Variants in MSRB3 observed in about 807,000 individuals in gnomAD.
MSRB3 encodes the protein methionine sulfoxide reductase B3.
Under a neutral mutation model 21.0 loss-of-function variants are expected in MSRB3, and 13 were observed. The ratio of observed to expected loss-of-function variants is 0.62; its 90% CI spans 0.40 to 0.98. The LOEUF (loss-of-function observed/expected upper bound fraction) is 0.98, where lower values mean the gene tolerates loss of function less well. MSRB3 is among the 50% of genes least tolerant of loss of function. The probability of loss-of-function intolerance (pLI) is 0.00; values close to 1 mark genes in which losing one functional copy is unlikely to be tolerated. For missense variants in MSRB3, 199 were observed against 230.3 expected, an observed-to-expected ratio of 0.86 and a Z score of 0.88; for synonymous variants, 87 against 88.6, an observed-to-expected ratio of 0.98 and a Z score of 0.10.
At chr12:65,349,530 G>GT (rs1592550888) in intron 4 of MSRB3, among the ~76,000 whole-genome samples, 3 of 149,978 alleles carry the variant, frequency 2.0e-5, no homozygotes, top group South Asian at 4.1e-4. Context: ...CACCAACAGT[G>GT]TAAAAGTGTT....
At chr12:65,376,044 A>C (rs1018667814) in intron 5 of MSRB3, among the ~76,000 whole-genome samples, 3 of 151,832 alleles carry the variant, frequency 2.0e-5, no homozygotes, top group Admixed American at 6.6e-5. Context: ...GATTCATGAT[A>C]ATTAATCCTT....
intron 5 of MSRB3, chr12:65,418,951 T>C: frequency 1.4e-6 from 1 of 708,346 alleles, no homozygotes; most frequent in East Asian, 2.6e-5. Context: ...GTGCTGCCCC[T>C]CTGCCCGGGT....
At chr12:65,426,735 A>T (rs1186766946) in intron 5 of MSRB3, among the ~76,000 whole-genome samples, 1 of 151,670 alleles carries the variant, frequency 6.6e-6, no homozygotes, top group Admixed American at 6.6e-5. Context: ...ATTCCTTTTC[A>T]TTCTTTTTCT....
chr12:65,460,731 C>T (rs1883289082), intron 6 of MSRB3, among the ~76,000 whole-genome samples: 1 of 148,748 alleles, frequency 6.7e-6, no homozygotes, highest in South Asian at 2.1e-4. Flanking sequence ...AATTTCTCTT[C>T]CTCACTTTTT....
chr12:65,375,436 T>C (rs1368179125), intron 5 of MSRB3, among the ~76,000 whole-genome samples: 2 of 152,070 alleles, frequency 1.3e-5, no homozygotes, highest in East Asian at 3.9e-4. Context: ...TTTTAATATT[T>C]TATTTATTTT....
intron 1 of MSRB3, among the ~76,000 whole-genome samples, chr12:65,290,374 T>C (rs1459622251): frequency 1.3e-5 from 2 of 152,204 alleles, no homozygotes; most frequent in South Asian, 2.1e-4. Context: ...CTACTTTGAC[T>C]CCTATGTAGT....
Position 65,422,963 on chromosome 12 carries a change from T to TTC in MSRB3, c.293-30764_293-30763insCT, listed in dbSNP as rs1273565387. On this transcript the variant is annotated intron_variant, in intron 5 of 6. Transcript: ENST00000308259. Reference sequence around the variant, plus strand: ...TTTGGTGGCATCTTTAGGGTTTTCTTTTTTTTTTTTTTTTTTGAGACAGAG... The same window carrying TTC: ...TTTGGTGGCATCTTTAGGGTTTTCTTTCTTTTTTTTTTTTTTTTGAGACAGAG... Among the ~76,000 whole-genome samples the TTC allele has an allele frequency of 7.5e-5, 10 of 132,544 alleles. No homozygotes were observed. In the East Asian group the frequency reaches 1.4e-3, roughly 18 times the overall value. 87.0% of individuals were successfully genotyped at this position (132,544 alleles called of 152,430 possible). A position where few individuals can be genotyped will look rare whatever the true frequency, so the allele number is the denominator to read the frequency against.
At chr12:65,449,118 TC>T in intron 5 of MSRB3, among the ~76,000 whole-genome samples, 1 of 152,160 alleles carries the variant, frequency 6.6e-6, no homozygotes, top group South Asian at 2.1e-4. Context: ...AAGCTCCACT[TC>T]CTGGGTTCAT....
At chr12:65,454,186 G>T in intron 6 of MSRB3, 1 of 443,624 alleles carries the variant, frequency 2.3e-6, no homozygotes, top group Admixed American at 3.6e-5. Flanking sequence ...ACTCAGGGGG[G>T]CTGAAGCAGG....
intron 5 of MSRB3, among the ~76,000 whole-genome samples, chr12:65,375,699 A>C (rs370604515): frequency 6.6e-6 from 1 of 152,176 alleles, no homozygotes; most frequent in East Asian, 1.9e-4. Context: ...TCAGTCTTCC[A>C]CAGCACTAGA....
At chr12:65,343,063 A>G (rs1876247439) in intron 4 of MSRB3, among the ~76,000 whole-genome samples, 1 of 152,118 alleles carries the variant, frequency 6.6e-6, no homozygotes, top group Non-Finnish European at 1.5e-5. Context: ...ACCTTTGCTC[A>G]ATGTGTTACA....
chr12:65,296,134 A>G (rs1872949096), intron 1 of MSRB3, among the ~76,000 whole-genome samples: 2 of 152,242 alleles, frequency 1.3e-5, no homozygotes, highest in Admixed American at 1.3e-4. Context: ...ATAGTTGGTC[A>G]CAAAATTTGA....
At chr12:65,345,812 A>G (rs185388935) in intron 4 of MSRB3, among the ~76,000 whole-genome samples, 1 of 151,970 alleles carries the variant, frequency 6.6e-6, no homozygotes, top group Non-Finnish European at 1.5e-5. Context: ...ATTCCCACCT[A>G]TGAGTGAGAA....
chr12:65,282,427 A>G (rs140293805), intron 1 of MSRB3, among the ~76,000 whole-genome samples: 2 of 152,210 alleles, frequency 1.3e-5, no homozygotes, highest in Admixed American at 1.3e-4. Flanking sequence ...AAAAAAGGAA[A>G]GTATAGAAAA....
At chr12:65,375,342 A>G (rs1878552788) in intron 5 of MSRB3, among the ~76,000 whole-genome samples, 1 of 152,208 alleles carries the variant, frequency 6.6e-6, no homozygotes, top group African/African-American at 2.4e-5. Context: ...TATGTCACAT[A>G]CTTACATTTT....
chr12:65,287,873 GA>G (rs1333437989), intron 1 of MSRB3, among the ~76,000 whole-genome samples: 1 of 152,162 alleles, frequency 6.6e-6, no homozygotes. Context: ...GTAGTATTAT[GA>G]AAAGAACATT....
At chr12:65,398,822 T>G (rs1879956817) in intron 5 of MSRB3, among the ~76,000 whole-genome samples, 1 of 152,198 alleles carries the variant, frequency 6.6e-6, no homozygotes. Flanking sequence ...GTTTTCTCCA[T>G]ATGGCTACCC....
At chr12:65,423,917 A>G (rs1172728626) in intron 5 of MSRB3, among the ~76,000 whole-genome samples, 3 of 152,100 alleles carry the variant, frequency 2.0e-5, no homozygotes, top group African/African-American at 7.2e-5. Context: ...TGTTATTAGT[A>G]CTTCTTTAAA....
rs538308890 is a variant in MSRB3 at position 65,460,980 on chromosome 12, T to A, written c.391-2175T>A. On this transcript the variant is annotated intron_variant, in intron 6 of 6. Transcript: ENST00000308259. Reference sequence around the variant, plus strand: ...ACTATGCTTTATTTTTGGTGTAGAATAAATAGAAATATTTTCTAAAGATGC... The same window carrying A: ...ACTATGCTTTATTTTTGGTGTAGAAAAAATAGAAATATTTTCTAAAGATGC... 2.0e-5 allele frequency among the ~76,000 whole-genome samples: 3 copies of A among 152,104 alleles called. No homozygotes were observed. In the South Asian group the frequency reaches 6.2e-4, roughly 31 times the overall value.
Sources: allele counts gnomAD v4.1 joint callset (sites outside exome capture counted in the v4.1 genomes callset), GRCh38; gene constraint gnomAD v4.1.1; transcripts MANE v1.5; gene names NCBI Gene and HGNC (gene_info 2026-07-23, HGNC 2026-07-21).